ROBO2: variants seen among roughly 807,000 people sequenced by gnomAD.
ROBO2 encodes roundabout guidance receptor 2, also known as roundabout homolog 2.
Under a neutral mutation model 160.8 loss-of-function variants are expected in ROBO2, and 53 were observed. The ratio of observed to expected loss-of-function variants is 0.33; its 90% confidence interval spans 0.26 to 0.41. ROBO2 has a LOEUF of 0.41. Ranked by LOEUF, ROBO2 falls within the 10% of genes least tolerant of loss-of-function variation. ROBO2 has a pLI of 1.00. For synonymous variants in ROBO2, 664 were observed against 611.7 expected (o/e 1.09, Z -1.26); for missense variants, 1,577 against 1,722.4 (o/e 0.92, Z 1.49).
chr3:76,346,080 A>T (rs2074510972), intron 2 of ROBO2, among the ~76,000 whole-genome samples: 1 of 152,042 alleles, frequency 6.6e-6, no homozygotes, highest in Non-Finnish European at 1.5e-5. Flanking sequence ...CACAAAAGGG[A>T]AAGCACTAAA....
chr3:75,978,378 T>C (rs2065186731), intron 2 of ROBO2, among the ~76,000 whole-genome samples: 1 of 151,546 alleles, frequency 6.6e-6, no homozygotes, highest in Admixed American at 6.6e-5. Flanking sequence ...TATTTTATGT[T>C]AGCTAGTATT....
chr3:77,114,902 A>C (rs2074047699), intron 2 of ROBO2, among the ~76,000 whole-genome samples: 1 of 152,308 alleles, frequency 6.6e-6, no homozygotes, highest in East Asian at 1.9e-4. Context: ...AGTAGCAGTC[A>C]TATATTAAAC....
chr3:75,928,186 G>A (rs1227861414), intron 1 of ROBO2, among the ~76,000 whole-genome samples: 1 of 150,024 alleles, frequency 6.7e-6, no homozygotes, highest in African/African-American at 2.5e-5. Context: ...GGGTTTCACC[G>A]TGTTAGCCAG....
chr3:75,937,417 C>G, intron 1 of ROBO2: 1 of 810,962 alleles, frequency 1.2e-6, no homozygotes. Flanking sequence ...GGATTTGAGT[C>G]GTAGTATATT....
At chr3:77,014,421 G>T (rs1369551703) in intron 2 of ROBO2, among the ~76,000 whole-genome samples, 1 of 152,176 alleles carries the variant, frequency 6.6e-6, no homozygotes, top group Non-Finnish European at 1.5e-5. Context: ...TGCTTGAATA[G>T]AGATCTGACG....
At chr3:77,466,114 G>A (rs2082735219) in intron 2 of ROBO2, among the ~76,000 whole-genome samples, 1 of 152,098 alleles carries the variant, frequency 6.6e-6, no homozygotes, top group Admixed American at 6.6e-5. Context: ...AAAAGTGATA[G>A]AGCTATTTTT....
At chr3:77,361,159 A>C (rs973083179) in intron 2 of ROBO2, among the ~76,000 whole-genome samples, 1 of 152,186 alleles carries the variant, frequency 6.6e-6, no homozygotes, top group Non-Finnish European at 1.5e-5. Context: ...TTGCCAGATT[A>C]AATGCAGTTT....
chr3:76,759,038 A>C (rs1050290378), intron 2 of ROBO2, among the ~76,000 whole-genome samples: 1 of 151,874 alleles, frequency 6.6e-6, no homozygotes, highest in African/African-American at 2.4e-5. Flanking sequence ...CCTTTGTTTA[A>C]GGCAATTATT....
At chr3:76,518,260 G>C (rs966712741) in intron 2 of ROBO2, among the ~76,000 whole-genome samples, 9 of 152,102 alleles carry the variant, frequency 5.9e-5, no homozygotes, top group African/African-American at 1.9e-4. Flanking sequence ...TTGGCTCCAA[G>C]GTGTCCACTG....
chr3:76,261,706 G>A (rs150867477), intron 2 of ROBO2, among the ~76,000 whole-genome samples: 2,715 of 151,892 alleles, frequency 0.018, 49 homozygotes, highest in Non-Finnish European at 0.026. Flanking sequence ...TCTCCTCATC[G>A]TAGAAAAAAT....
chr3:76,172,150 C>T (rs539718943), intron 2 of ROBO2, among the ~76,000 whole-genome samples: 23 of 152,060 alleles, frequency 1.5e-4, no homozygotes, highest in African/African-American at 5.3e-4. Flanking sequence ...CATCCATGTC[C>T]CTACAAAGGA....
At chr3:77,250,580 C>G (rs2090223596) in intron 2 of ROBO2, among the ~76,000 whole-genome samples, 1 of 152,172 alleles carries the variant, frequency 6.6e-6, no homozygotes, top group Non-Finnish European at 1.5e-5. Context: ...AATCACACAT[C>G]CATGTGTTAA....
chr3:77,186,501 A>G lies in ROBO2; in HGVS notation c.388+88161A>G, dbSNP rs1046474291. Among the ~76,000 whole-genome samples the G allele has an allele frequency of 2.6e-5, 4 of 152,108 alleles. No individual in the cohort carries two copies. In the East Asian group the frequency reaches 5.8e-4, roughly 22 times the overall value. ...GCAAGGCTGAGGAATTGAAGTAATA[A>G]TAGAAAGCTAGTCAGTGAAGCAGTA... On this transcript the variant is annotated intron_variant, in intron 2 of 25. Coordinates refer to ENST00000461745, the Ensembl canonical transcript of ROBO2.
intron 2 of ROBO2, among the ~76,000 whole-genome samples, chr3:76,278,033 G>A (rs1045414197): frequency 6.6e-6 from 1 of 151,350 alleles, no homozygotes; most frequent in African/African-American, 2.4e-5. Context: ...GTAAATAATA[G>A]CTCACCTTAA....
At chr3:76,911,226 G>A (rs1417813010) in intron 2 of ROBO2, among the ~76,000 whole-genome samples, 2 of 152,150 alleles carry the variant, frequency 1.3e-5, no homozygotes, top group Admixed American at 6.5e-5. Flanking sequence ...TCAATAAGTA[G>A]TATTGTATTT....
rs2076722957 is a variant in ROBO2 at position 76,383,230 on chromosome 3, C to T, written c.109+445628C>T. 2.0e-5 allele frequency among the ~76,000 whole-genome samples: 3 copies of T among 152,232 alleles called. No individual in the cohort carries two copies. The South Asian group carries it at 6.2e-4, about 32-fold the overall frequency. The stretch of plus-strand genomic sequence containing the variant: ...TGTCCTCATTCCTTCTAGTATTCAA[C>T]GTTTGTAATAGATGTTGGAACACAA... On this transcript the variant is annotated intron_variant, in intron 2 of 26. Transcript: ENST00000487694.
chr3:76,375,921 T>C (rs1420615627), intron 2 of ROBO2, among the ~76,000 whole-genome samples: 1 of 152,092 alleles, frequency 6.6e-6, no homozygotes. Context: ...CTGATCCTTC[T>C]AAGTCATATT....
intron 2 of ROBO2, among the ~76,000 whole-genome samples, chr3:76,446,255 CAG>C (rs1314350287): frequency 6.6e-6 from 1 of 152,090 alleles, no homozygotes; most frequent in Non-Finnish European, 1.5e-5. Flanking sequence ...AAGAGACAAA[CAG>C]AGAGCCAAAT....
chr3:76,458,807 A>G (rs2077924245), intron 2 of ROBO2, among the ~76,000 whole-genome samples: 1 of 152,112 alleles, frequency 6.6e-6, no homozygotes, highest in African/African-American at 2.4e-5. Context: ...CCCCTAGTAG[A>G]CCCATCAGAT....
Sources: allele counts gnomAD v4.1 joint callset (sites outside exome capture counted in the v4.1 genomes callset), GRCh38; gene constraint gnomAD v4.1.1; transcripts MANE v1.5; gene names NCBI Gene and HGNC (gene_info 2026-07-23, HGNC 2026-07-21).